KMT5A: variants seen among roughly 807,000 people sequenced by gnomAD.
The protein encoded by KMT5A is N-lysine methyltransferase KMT5A.
A neutral mutation model predicts 40.6 loss-of-function variants in KMT5A; 6 were observed. The observed-to-expected ratio is 0.15, with a 90% CI of 0.08 to 0.29. The LOEUF (loss-of-function observed/expected upper bound fraction) is 0.29. KMT5A is among the 10% of genes least tolerant of loss of function. The pLI, the probability that KMT5A is intolerant of heterozygous loss-of-function variation, is 1.00. For synonymous variants in KMT5A, 153 were observed against 178.8 expected, an observed-to-expected ratio of 0.86 and a Z score of 1.15; for missense variants, 308 against 459.1, an observed-to-expected ratio of 0.67 and a Z score of 3.01.
intron 3 of KMT5A, among the ~76,000 whole-genome samples, chr12:123,393,006 A>C (rs1183907783): frequency 6.6e-6 from 1 of 152,028 alleles, no homozygotes; most frequent in African/African-American, 2.4e-5. Flanking sequence ...CCTCCCAAGT[A>C]GCTGAGATTA....
At chr12:123,405,822 T>C (rs1382730506) in intron 7 of KMT5A, among the ~76,000 whole-genome samples, 1 of 142,972 alleles carries the variant, frequency 7.0e-6, no homozygotes, top group East Asian at 2.0e-4. Context: ...CCAGCTTCCC[T>C]TTTTTTTTTT....
Position 123,408,064 on chromosome 12 carries a change from G to A in KMT5A, c.*361G>A, listed in dbSNP as rs1302028618. 1 of 239,716 alleles carries A rather than the reference G, an allele frequency of 4.2e-6. No homozygotes were observed. The highest frequency in any genetic ancestry group is 8.3e-6 in the Non-Finnish European group (1 of 120,764). The allele number at this position is 239,716 out of a possible 1,614,324, so 14.8% of individuals were successfully genotyped here. A position where few individuals can be genotyped will look rare whatever the true frequency, so the allele number is the denominator to read the frequency against. On this transcript the variant is annotated 3_prime_UTR_variant, in exon 8 of 8. Transcript: ENST00000402868. ...AAGCCAGGTGAGTCTCCTTTCTCCA[G>A]TGGAAGAGCCGGGACCTTCCCCCTG...
chr12:123,393,920 G>A (rs765067768), intron 3 of KMT5A, among the ~76,000 whole-genome samples: 6 of 151,872 alleles, frequency 4.0e-5, no homozygotes, highest in African/African-American at 1.2e-4. Flanking sequence ...AAACTGTTAC[G>A]TTCCTGCATA....
intron 3 of KMT5A, among the ~76,000 whole-genome samples, chr12:123,394,785 C>T (rs1566076246): frequency 6.6e-6 from 1 of 152,174 alleles, no homozygotes; most frequent in Non-Finnish European, 1.5e-5. Flanking sequence ...GGTGCCTCTC[C>T]CTCACAGGCT....
intron 1 of KMT5A, 62 bp from the exon 2 acceptor site, chr12:123,389,371 C>T (rs1443339600): frequency 2.0e-6 from 2 of 1,001,960 alleles, no homozygotes; most frequent in Non-Finnish European, 2.4e-6. Context: ...GGCGGCCCCG[C>T]TCCCCGCCCC....
At position 123,384,189 on chromosome 12, in the gene KMT5A, G is replaced by C; in HGVS notation, c.-10G>C. 6.2e-7 allele frequency: 1 copy of C among 1,613,614 alleles called. No homozygotes were observed. Among genetic ancestry groups the C allele is most frequent in the Non-Finnish European group, 8.5e-7 (1 of 1,179,754 alleles). ...TCCCGGGAGATCCCAGGCGGTGACA[G>C]AGTGGAGCCATGGCTAGAGGTATTT... On this transcript the variant is annotated 5_prime_UTR_variant, in exon 1 of 8. Transcript: ENST00000402868. This position sits in a 1 kb window ranked among gnomAD's most constrained non-coding sequence, Gnocchi z 5.7.
At chr12:123,407,304 A>C (rs1342778929) in intron 7 of KMT5A, among the ~76,000 whole-genome samples, 189 bp from the exon 8 acceptor site, 2 of 152,152 alleles carry the variant, frequency 1.3e-5, no homozygotes, top group Non-Finnish European at 2.9e-5. Context: ...GTGCCACTGC[A>C]CTCCAGCCTG....
At chr12:123,386,433 C>T (rs562080569) in intron 1 of KMT5A, among the ~76,000 whole-genome samples, 9 of 152,242 alleles carry the variant, frequency 5.9e-5, no homozygotes, top group Non-Finnish European at 1.0e-4. Flanking sequence ...CCAGGCTAGT[C>T]TTGAACTCCT....
At position 123,398,002 on chromosome 12, in the gene KMT5A, G is replaced by T. The variant is rs1273073892; in HGVS notation, c.597+1570G>T. On this transcript the variant is annotated intron_variant, in intron 5 of 7. Transcript: ENST00000402868. The stretch of plus-strand genomic sequence containing the variant: ...AGGTCACTCTTAAAGACAGCACTGG[G>T]CCAGGTGCAGTGGCTCACACCTGTA... Among the ~76,000 whole-genome samples the T allele has an allele frequency of 2.6e-5, 4 of 151,262 alleles. No homozygotes were observed. In the East Asian group the frequency reaches 6.0e-4, roughly 23 times the overall value.
At chr12:123,407,383 C>A in intron 7 of KMT5A, 110 bp from the exon 8 acceptor site, 1 of 1,045,514 alleles carries the variant, frequency 9.6e-7, no homozygotes, top group Non-Finnish European at 1.4e-6. Context: ...CTTTTCAAAA[C>A]ACATGGCTTT....
In KMT5A at chr12:123,395,096, A is replaced by G. The variant is rs1320270671; in HGVS notation, c.339A>G (p.Glu113=). ...NAVRSAMKSE[E]QKIKDARKGP... is the part of the protein sequence containing the mutation. ...TACGGAGCGCCATGAAGTCCGAGGA[A>G]CAGAAGATCAAAGACGCCAGGAAAG... The change falls in exon 4 of 8, where the codon GAA becomes GAG. Residue 113 remains glutamate (E), a synonymous_variant. Coordinates refer to ENST00000402868, the MANE Select transcript of KMT5A (RefSeq NM_020382.7). 1 of 1,597,172 alleles carries G rather than the reference A, an allele frequency of 6.3e-7. No homozygotes were observed. The highest frequency in any genetic ancestry group is 1.8e-5 in the Admixed American group (1 of 56,944).
At chr12:123,407,005 C>T (rs989735022) in intron 7 of KMT5A, among the ~76,000 whole-genome samples, 10 of 95,218 alleles carry the variant, frequency 1.1e-4, no homozygotes, top group African/African-American at 2.9e-4. Context: ...GACAGAGCGA[C>T]GAGACTCCCT....
intron 5 of KMT5A, among the ~76,000 whole-genome samples, chr12:123,397,162 C>T (rs868455565): frequency 6.6e-6 from 1 of 152,250 alleles, no homozygotes; most frequent in African/African-American, 2.4e-5. Flanking sequence ...CTGGCCTATG[C>T]GGGCCTCCGC....
intron 6 of KMT5A, among the ~76,000 whole-genome samples, chr12:123,404,465 C>T (rs918389836): frequency 2.0e-5 from 3 of 152,188 alleles, no homozygotes; most frequent in East Asian, 1.9e-4. Flanking sequence ...GAAGGCATAG[C>T]GCATAGCCCC....
intron 5 of KMT5A, among the ~76,000 whole-genome samples, chr12:123,396,784 C>T (rs1199133150): frequency 2.6e-5 from 4 of 151,302 alleles, no homozygotes; most frequent in Admixed American, 2.6e-4. Flanking sequence ...CCTGTTCTTT[C>T]AGAGGCTTTT....
chr12:123,405,494 G>A (rs1032089485), intron 7 of KMT5A, among the ~76,000 whole-genome samples: 5 of 139,498 alleles, frequency 3.6e-5, no homozygotes, highest in East Asian at 2.1e-4. Context: ...TTTCAAAGCT[G>A]TGATGCAATT....
At chr12:123,389,615 A>C in intron 2 of KMT5A, 61 bp downstream of exon 2, 1 of 1,035,402 alleles carries the variant, frequency 9.7e-7, no homozygotes, top group Non-Finnish European at 1.2e-6. Flanking sequence ...CCGCGAGCAC[A>C]TGGGCGACCC....
intron 1 of KMT5A, chr12:123,388,852 G>C (rs1387155585): frequency 6.7e-6 from 1 of 149,372 alleles, no homozygotes. Context: ...CGCCCGAGCC[G>C]GGATTCGCCG....
chr12:123,397,986 T>C (rs1877867226), intron 5 of KMT5A, among the ~76,000 whole-genome samples: 1 of 150,950 alleles, frequency 6.6e-6, no homozygotes, highest in Non-Finnish European at 1.5e-5. Context: ...TAGGTCACTC[T>C]TAAAGACAGC....
Sources: allele counts gnomAD v4.1 joint callset (sites outside exome capture counted in the v4.1 genomes callset), GRCh38; gene constraint gnomAD v4.1.1; non-coding constraint Gnocchi (gnomAD v3.1); transcripts MANE v1.5; gene names NCBI Gene and HGNC (gene_info 2026-07-23, HGNC 2026-07-21).